The following FRMD1 variants were observed in gnomAD, a reference collection of about 807,000 sequenced individuals.
The protein encoded by FRMD1 is FERM domain-containing protein 1.
Under a neutral mutation model 54.9 loss-of-function variants are expected in FRMD1, and 51 were observed. The observed-to-expected ratio is 0.93, with a 90% CI of 0.74 to 1.17. The LOEUF (loss-of-function observed/expected upper bound fraction) is 1.17, where lower values mean the gene tolerates loss of function less well. Among genes scored for constraint, FRMD1 ranks in the 50% most tolerant of loss-of-function variants. The pLI is 0.00. For synonymous variants in FRMD1, 324 were observed against 306.4 expected (o/e 1.06, Z -0.60); for missense variants, 729 against 743.0 (o/e 0.98, Z 0.22).
chr6:168,078,799 C>CCTGCTCCCTCCCATGGCT (rs1800726956), intron 1 of FRMD1, 83 bp downstream of exon 1: 1 of 1,139,390 alleles, frequency 8.8e-7, no homozygotes, highest in Admixed American at 2.7e-5. Context: ...CACCCAGGGC[C>CCTGCTCCCTCCCATGGCT]CTGCTCACCC....
At chr6:168,081,701 T>C, upstream of FRMD1, 1 of 492,674 alleles carries the variant, frequency 2.0e-6, no homozygotes, top group Non-Finnish European at 3.4e-6. Flanking sequence ...AACATCCCAC[T>C]GCAAGGGAGA....
chr6:168,091,149 A>G (rs565045093), intron 1 of FRMD1, among the ~76,000 whole-genome samples: 1 of 152,314 alleles, frequency 6.6e-6, no homozygotes, highest in Admixed American at 6.5e-5. Flanking sequence ...GATAGCCCAC[A>G]CCTTCTTCCT....
chr6:168,066,304 G>A, intron 4 of FRMD1: 1 of 711,980 alleles, frequency 1.4e-6, no homozygotes, highest in Non-Finnish European at 1.7e-6. Flanking sequence ...TTTGAGACCA[G>A]CTTGACCAAC....
At chr6:168,075,720 G>T in intron 1 of FRMD1, 1 of 1,520,568 alleles carries the variant, frequency 6.6e-7, no homozygotes, top group African/African-American at 1.4e-5. Context: ...CCCCATGAGC[G>T]CGAGCATCGG....
rs1799881171 is a variant in FRMD1, at chr6:168,063,705, G to A, written c.700C>T (p.His234Tyr). ...GGGCTCAGGCCCTGGCGCTCACGGT[G>A]CAGGGTAGGCATGTGCCGGAGGATG... is the stretch of plus-strand genomic sequence containing the variant. Reference protein sequence around the residue: ...DYILRHMPTLHRERQGLSPKE... With the variant: ...DYILRHMPTLYRERQGLSPKE... The change falls in exon 6 of 11, where the codon CAC (histidine) becomes TAC (tyrosine). Residue 234 changes from histidine to tyrosine, a missense_variant. His to Tyr is a moderately conservative substitution (Grantham distance 83, BLOSUM62 2). Transcript: ENST00000283309. 1 of 1,613,808 alleles carries A rather than the reference G, an allele frequency of 6.2e-7. No homozygotes were observed. Among genetic ancestry groups the A allele is most frequent in the Non-Finnish European group, 8.5e-7 (1 of 1,179,816 alleles).
chr6:168,082,124 C>T (rs1428480398), upstream of FRMD1, among the ~76,000 whole-genome samples: 9 of 152,074 alleles, frequency 5.9e-5, no homozygotes, highest in Non-Finnish European at 1.2e-4. Context: ...CACATGCAGC[C>T]TTCATGTCCG....
chr6:168,060,243 C>T (rs1360568993), intron 9 of FRMD1, among the ~76,000 whole-genome samples: 1 of 137,340 alleles, frequency 7.3e-6, no homozygotes, highest in East Asian at 2.2e-4. Flanking sequence ...GGGGGTCTTC[C>T]TATGTGTGGG....
chr6:168,089,527 C>T lies in FRMD1; in HGVS notation c.-11-10503G>A, dbSNP rs148535941. Among the ~76,000 whole-genome samples, 24 of 152,336 alleles carry T rather than the reference C, an allele frequency of 1.6e-4. No homozygotes were observed. In the East Asian group the frequency reaches 4.4e-3, roughly 28 times the overall value. On this transcript the variant is annotated intron_variant, in intron 1 of 12. Transcript: ENST00000644440. ...TGGAGGAGGACCGAGGCAGGAATGG[C>T]CGCCTCCAGGCAGCTGTGTTTATCA...
intron 1 of FRMD1, among the ~76,000 whole-genome samples, chr6:168,089,172 A>G (rs1800973369): frequency 6.6e-6 from 1 of 152,186 alleles, no homozygotes; most frequent in Non-Finnish European, 1.5e-5. Flanking sequence ...TTCAAACCCA[A>G]TCAGCCTCCG....
intron 1 of FRMD1, among the ~76,000 whole-genome samples, chr6:168,078,441 C>T (rs4708634): frequency 0.86 from 130,187 of 151,708 alleles, 55,970 homozygotes; most frequent in Non-Finnish European, 0.89. Flanking sequence ...TGACACCTCA[C>T]AGACACCTGG....
At chr6:168,082,602 G>C (rs1800853258), upstream of FRMD1, among the ~76,000 whole-genome samples, 3 of 152,166 alleles carry the variant, frequency 2.0e-5, 1 homozygote, top group Admixed American at 2.0e-4. Context: ...TTGGTAAGTA[G>C]GGAAACTGAG....
intron 8 of FRMD1, among the ~76,000 whole-genome samples, chr6:168,061,605 A>C (rs1237424859): frequency 6.6e-6 from 1 of 152,238 alleles, no homozygotes; most frequent in East Asian, 1.9e-4. Flanking sequence ...AGCTTCCCCC[A>C]GTCCCATCTA....
chr6:168,057,390 C>T, intron 10 of FRMD1, 51 bp from the exon 11 acceptor site: 2 of 1,586,490 alleles, frequency 1.3e-6, no homozygotes, highest in Non-Finnish European at 1.7e-6. Context: ...TCACTCCCAC[C>T]ACCGCACACG....
intron 4 of FRMD1, chr6:168,065,941 A>G (rs1054874405): frequency 6.0e-6 from 6 of 1,000,146 alleles, no homozygotes; most frequent in Non-Finnish European, 6.0e-6. Context: ...GATCCTCCTG[A>G]GGGACGTCTT....
chr6:168,067,303 T>C, intron 3 of FRMD1, 64 bp downstream of exon 3: 1 of 1,016,704 alleles, frequency 9.8e-7, no homozygotes, highest in Non-Finnish European at 1.5e-6. Flanking sequence ...ACCCCACGTG[T>C]CCCCGTGGCC....
upstream of FRMD1, among the ~76,000 whole-genome samples, chr6:168,082,680 T>G (rs908254828): frequency 2.0e-5 from 3 of 151,896 alleles, no homozygotes; most frequent in Non-Finnish European, 4.4e-5. Context: ...ACCGCAAAGC[T>G]CCTCCCCGAA....
At chr6:168,065,833 G>A (rs1334191016) in intron 4 of FRMD1, 1 of 999,718 alleles carries the variant, frequency 1.0e-6, no homozygotes, top group Non-Finnish European at 1.2e-6. Flanking sequence ...CAGGGATTGT[G>A]CCTGCTTAGG....
At chr6:168,092,312 C>A (rs1253666239) in intron 1 of FRMD1, among the ~76,000 whole-genome samples, 1 of 152,236 alleles carries the variant, frequency 6.6e-6, no homozygotes, top group Non-Finnish European at 1.5e-5. Context: ...ACTCATTAAA[C>A]AAATGCACAC....
intron 1 of FRMD1, among the ~76,000 whole-genome samples, chr6:168,086,911 C>T (rs1261134827): frequency 6.6e-6 from 1 of 152,214 alleles, no homozygotes; most frequent in Non-Finnish European, 1.5e-5. Flanking sequence ...CTGGAGTGAG[C>T]CACCCTCCTC....
Sources: gnomAD v4.1 joint callset for allele counts (sites outside exome capture counted in the v4.1 genomes callset) on GRCh38, gnomAD v4.1.1 for gene constraint, MANE v1.5 for transcripts, NCBI Gene and HGNC (gene_info 2026-07-23, HGNC 2026-07-21) for gene names.